SYN1: variants seen among roughly 807,000 people sequenced by gnomAD.
The protein encoded by SYN1 is synapsin I.
SYN1 carries 8 observed loss-of-function variants against 44.6 expected under a neutral mutation model. The ratio of observed to expected loss-of-function variants is 0.18; its 90% CI spans 0.11 to 0.32. SYN1 has a LOEUF of 0.32. Ranked by LOEUF, SYN1 falls within the 10% of genes least tolerant of loss-of-function variation. The pLI, the probability that SYN1 is intolerant of heterozygous loss-of-function variation, is 1.00. For missense variants in SYN1, 451 were observed against 639.4 expected, an observed-to-expected ratio of 0.71 and a Z score of 3.18; for synonymous variants, 275 against 280.1, an observed-to-expected ratio of 0.98 and a Z score of 0.18.
At chrX:47,581,075 T>G (rs2057796678) in intron 5 of SYN1, among the ~76,000 whole-genome samples, 1 of 111,767 alleles carries the variant, frequency 8.9e-6, no homozygotes, top group South Asian at 3.8e-4. Flanking sequence ...ATCCCTCACA[T>G]TCCTCCCACC....
rs2057777636 is a variant in SYN1, at chrX:47,576,356, A to C, written c.1031T>G (p.Leu344Arg). ...CCTGTCAGACATGGCAATTTGCTCCAGCATCGCAGAGCCAGTATTGGTCTT... is the reference window on the plus strand; with the variant it reads ...CCTGTCAGACATGGCAATTTGCTCCCGCATCGCAGAGCCAGTATTGGTCTT... ...NWKTNTGSAM[L>R]EQIAMSDRYK... Residue 344 changes from leucine to arginine, a missense_variant, in exon 8 of 13, where the codon CTG becomes CGG. Coordinates refer to ENST00000295987, the MANE Select transcript of SYN1 (RefSeq NM_006950.3). 2 of 1,211,663 alleles carry C rather than the reference A, an allele frequency of 1.7e-6. No individual in the cohort carries two copies.
intron 5 of SYN1, chrX:47,583,412 C>A (rs2057808324): frequency 8.4e-6 from 10 of 1,196,957 alleles, no homozygotes; most frequent in African/African-American, 1.8e-5. Flanking sequence ...CCACAGAACC[C>A]ACCATGGCCC....
At chrX:47,618,829 A>G (rs2057938479) in intron 1 of SYN1, among the ~76,000 whole-genome samples, 1 of 111,901 alleles carries the variant, frequency 8.9e-6, no homozygotes, top group Non-Finnish European at 1.9e-5. Context: ...CATAGACTGG[A>G]CACATGCTCA....
Position 47,574,050 on chromosome X carries a change from G to A in SYN1, c.1934C>T (p.Pro645Leu). The A allele has an allele frequency of 5.2e-6, 6 of 1,152,158 alleles. No homozygotes were observed. Among genetic ancestry groups the A allele is most frequent in the South Asian group, 1.9e-5 (1 of 51,780 alleles). The allele number at this position is 1,152,158 out of a possible 1,213,427, so 95.0% of individuals were successfully genotyped here. The change falls in exon 12 of 13, where the codon CCG becomes CTG. Residue 645 changes from proline to leucine, a missense_variant. Pro to Leu is a moderately conservative substitution (Grantham distance 98). Transcript: ENST00000295987. The part of the protein sequence containing the change: ...QLAQKPSQDV[P>L]PPATAAAGGP... The stretch of plus-strand genomic sequence containing the variant: ...CCCTGCAGCGGCGGTGGCGGGTGGC[G>A]GCACGTCCTGGCTGGGTTTCTGGGC...
intron 5 of SYN1, among the ~76,000 whole-genome samples, chrX:47,580,701 C>T (rs1346567283): frequency 9.2e-6 from 1 of 108,983 alleles, no homozygotes; most frequent in Non-Finnish European, 1.9e-5. Context: ...TTTGGGAGGT[C>T]GAGGCAGGTG....
intron 5 of SYN1, among the ~76,000 whole-genome samples, chrX:47,580,817 C>T (rs981020055): frequency 3.7e-5 from 4 of 109,318 alleles, no homozygotes; most frequent in African/African-American, 1.3e-4. Context: ...GGCTGTAATC[C>T]CAGCTACTCA....
chrX:47,585,805 C>G, intron 5 of SYN1: 1 of 1,155,702 alleles, frequency 8.7e-7, no homozygotes. Flanking sequence ...TCCCTGATCT[C>G]TCTTGCTATT....
chrX:47,590,624 T>TG (rs766527710), intron 5 of SYN1, among the ~76,000 whole-genome samples: 2 of 111,330 alleles, frequency 1.8e-5, no homozygotes, highest in South Asian at 3.8e-4. Flanking sequence ...CTCTGCGAGA[T>TG]GGGGGGTGCA....
intron 5 of SYN1, among the ~76,000 whole-genome samples, chrX:47,589,595 CAAAAAAAAAAA>C (rs779225789): frequency 2.7e-4 from 8 of 29,931 alleles, no homozygotes; most frequent in Non-Finnish European, 1.3e-4. Context: ...GACTCCGTCT[CAAAAAAAAAAA>C]AAAAAAAAAA....
At chrX:47,598,908 C>A (rs2057871882) in intron 5 of SYN1, among the ~76,000 whole-genome samples, 2 of 110,665 alleles carry the variant, frequency 1.8e-5, no homozygotes, top group Non-Finnish European at 3.8e-5. Context: ...GTGGTCCCAG[C>A]TATTCAGGAG....
chrX:47,612,860 C>A (rs753084395), intron 1 of SYN1, among the ~76,000 whole-genome samples: 1 of 111,334 alleles, frequency 9.0e-6, no homozygotes, highest in Non-Finnish European at 1.9e-5. Flanking sequence ...AGACTGGGCG[C>A]GGTGGCTCAC....
chrX:47,573,943 TG>T, intron 12 of SYN1, 58 bp downstream of exon 12: 1 of 1,047,007 alleles, frequency 9.6e-7, no homozygotes, highest in Non-Finnish European at 1.2e-6. Context: ...GCTGCTCTAC[TG>T]GGGCAGCGGC....
intron 1 of SYN1, among the ~76,000 whole-genome samples, chrX:47,617,401 AATTTAGTAAATTTACTAAATTT>A (rs1220227737): frequency 1.8e-5 from 2 of 111,441 alleles, no homozygotes; most frequent in Non-Finnish European, 3.8e-5. Flanking sequence ...GTAAATAGTA[AATTTAGTAAATTTACTAAATTT>A]ATTTAGTAAA....
chrX:47,603,890 T>TTTTATATATATA (rs1292854071), intron 5 of SYN1, among the ~76,000 whole-genome samples: 3 of 88,212 alleles, frequency 3.4e-5, no homozygotes, highest in African/African-American at 1.3e-4. Context: ...ATATTAGTGA[T>TTTTATATATATA]TATATATATA....
intron 5 of SYN1, 48 bp from the exon 6 acceptor site, chrX:47,577,549 C>A (rs1170612621): frequency 1.8e-6 from 2 of 1,133,252 alleles, no homozygotes; most frequent in Non-Finnish European, 2.4e-6. Context: ...GAAAGGGTGA[C>A]CTCCAGGGGT....
intron 5 of SYN1, chrX:47,586,038 GCA>G (rs780331974): frequency 4.7e-5 from 46 of 974,811 alleles, no homozygotes; most frequent in Non-Finnish European, 5.7e-5. Context: ...CCCTTCCTCA[GCA>G]CATCTGCTTG....
chrX:47,590,799 T>A lies in SYN1; in HGVS notation c.775-13298A>T, dbSNP rs752773324. Among the ~76,000 whole-genome samples, 4 of 112,337 alleles carry A rather than the reference T, an allele frequency of 3.6e-5. No homozygotes were observed. The South Asian group carries it at 1.5e-3, about 41-fold the overall frequency. On this transcript the variant is annotated intron_variant, in intron 5 of 12. Transcript: ENST00000295987. ...TCTTCCTGCCTCTTGCTCCCCTACTTCTTCTTCCTATTCCCTGCTCCTTGT... is the reference window on the plus strand; with the variant it reads ...TCTTCCTGCCTCTTGCTCCCCTACTACTTCTTCCTATTCCCTGCTCCTTGT...
intron 3 of SYN1, 22 bp from the exon 4 acceptor site, chrX:47,605,401 T>A: frequency 8.3e-7 from 1 of 1,206,973 alleles, no homozygotes; most frequent in Non-Finnish European, 1.1e-6. Flanking sequence ...GGGGTAGGAG[T>A]GTTGAGAGTT....
intron 1 of SYN1, among the ~76,000 whole-genome samples, chrX:47,612,455 G>C (rs2057919232): frequency 9.0e-6 from 1 of 111,377 alleles, no homozygotes; most frequent in Non-Finnish European, 1.9e-5. Context: ...CTTCCACACT[G>C]TTGTGCTAGT....
Sources: allele counts gnomAD v4.1 joint callset (sites outside exome capture counted in the v4.1 genomes callset), GRCh38; gene constraint gnomAD v4.1.1; transcripts MANE v1.5; gene names NCBI Gene and HGNC (gene_info 2026-07-23, HGNC 2026-07-21).